Variants in GNAT3 observed in about 807,000 individuals in gnomAD.
GNAT3 encodes G protein subunit alpha transducin 3.
Under a neutral mutation model 37.7 loss-of-function variants are expected in GNAT3, and 31 were observed. That is an observed-to-expected ratio of 0.82 (90% CI 0.62 to 1.11). The LOEUF (loss-of-function observed/expected upper bound fraction) is 1.11. Ranked by LOEUF, GNAT3 falls within the 50% of genes most tolerant of loss-of-function variation. The pLI is 0.00. For synonymous variants in GNAT3, 138 were observed against 139.8 expected (o/e 0.99, Z 0.09); for missense variants, 437 against 412.5 (o/e 1.06, Z -0.51).
intron 5 of GNAT3, among the ~76,000 whole-genome samples, chr7:80,464,492 G>C (rs915614584): frequency 2.0e-5 from 3 of 152,064 alleles, no homozygotes; most frequent in Non-Finnish European, 2.9e-5. Flanking sequence ...GCAGACTATA[G>C]AAGACTATGG....
intron 4 of GNAT3, 69 bp from the exon 5 acceptor site, chr7:80,474,448 T>TACAC (rs1790271885): frequency 1.5e-6 from 1 of 658,396 alleles, no homozygotes; most frequent in East Asian, 2.9e-5. Flanking sequence ...TATGTATATA[T>TACAC]ACACACATAC....
At position 80,474,309 on chromosome 7, in the gene GNAT3, G is replaced by A. The variant is rs768831289; in HGVS notation, c.532C>T (p.Arg178Ter). Residue 178 changes from arginine to a stop codon, truncating the protein, a stop_gained, in exon 5 of 8, where the codon CGA becomes TGA. Coordinates refer to ENST00000398291, the MANE Select transcript of GNAT3 (RefSeq NM_001102386.3). LOFTEE classifies it high-confidence loss of function. ...VPNEQDVLHS[R>*]VKTTGIIETQ... is the part of the protein sequence containing the mutation. ...TCAATGATTCCAGTCGTTTTCACTC[G>A]AGAATGGAGAACATCTTGTTCATTT... is the stretch of plus-strand genomic sequence containing the variant. 19 of 1,579,616 alleles carry A rather than the reference G, an allele frequency of 1.2e-5. No homozygotes were observed. Among genetic ancestry groups the A allele is most frequent in the African/African-American group, 5.4e-5 (4 of 74,410 alleles).
chr7:80,485,186 A>T (rs1329728496), intron 3 of GNAT3, among the ~76,000 whole-genome samples: 4 of 147,612 alleles, frequency 2.7e-5, no homozygotes, highest in African/African-American at 7.5e-5. Flanking sequence ...TTTTTTTAAC[A>T]CTCTTCCCTA....
In GNAT3 at chr7:80,511,862, T is replaced by C; in HGVS notation, c.65A>G (p.Lys22Arg). Residue 22 changes from lysine (K) to arginine (R), a missense_variant, in exon 1 of 8, where the codon AAG (lysine) becomes AGG (arginine). Transcript: ENST00000398291. ...SAKRSKELEK[K>R]LQEDAERDAR... ...ATCTCGCTCAGCATCCTCCTGAAGC[T>C]TTTTCTCCAGTTCTTTTGATCTTTT... The C allele has an allele frequency of 6.2e-7, 1 of 1,612,218 alleles. No homozygotes were observed. Among genetic ancestry groups the C allele is most frequent in the Non-Finnish European group, 8.5e-7 (1 of 1,178,850 alleles).
At chr7:80,508,309 T>C (rs1790988624) in intron 1 of GNAT3, among the ~76,000 whole-genome samples, 2 of 151,540 alleles carry the variant, frequency 1.3e-5, no homozygotes, top group Admixed American at 1.3e-4. Flanking sequence ...CAAAATAAAC[T>C]CAAACTGAAA....
At chr7:80,466,904 G>T (rs1270675468) in intron 5 of GNAT3, among the ~76,000 whole-genome samples, 1 of 152,102 alleles carries the variant, frequency 6.6e-6, no homozygotes, top group African/African-American at 2.4e-5. Context: ...ACAATTGCAG[G>T]AATAATACCT....
intron 1 of GNAT3, among the ~76,000 whole-genome samples, chr7:80,495,303 A>G (rs910443823): frequency 1.5e-4 from 23 of 152,158 alleles, no homozygotes; most frequent in African/African-American, 5.1e-4. Context: ...AGAAATATCC[A>G]TACTATTTTT....
rs143987119 is a variant in GNAT3, at chr7:80,486,971, G to A, written c.303+1564C>T. Among the ~76,000 whole-genome samples, 473 of 152,052 alleles carry A rather than the reference G, an allele frequency of 3.1e-3. 13 individuals carry two copies. In the South Asian group the frequency reaches 0.053, roughly 17 times the overall value. ...ATTCTCAAAGGAATTCAGAGGGTAC[G>A]TCTATTTTTGTAACTATTATTGCCT... On this transcript the variant is annotated intron_variant, in intron 3 of 7. Transcript: ENST00000398291.
chr7:80,491,434 A>G (rs900505326), intron 2 of GNAT3, among the ~76,000 whole-genome samples: 2 of 152,196 alleles, frequency 1.3e-5, no homozygotes, highest in Non-Finnish European at 2.9e-5. Context: ...GTCAGCTTGA[A>G]GATTCTGGTG....
At chr7:80,486,999 G>A (rs1790497825) in intron 3 of GNAT3, among the ~76,000 whole-genome samples, 1 of 151,988 alleles carries the variant, frequency 6.6e-6, no homozygotes, top group Non-Finnish European at 1.5e-5. Context: ...TATTGCCTAA[G>A]AGGAAAAAAT....
intron 5 of GNAT3, 88 bp from the exon 6 acceptor site, chr7:80,462,719 G>A (rs1467037428): frequency 3.2e-6 from 3 of 939,288 alleles, no homozygotes; most frequent in East Asian, 2.7e-5. Context: ...ATAAATGGGT[G>A]ATCCCCTATC....
At chr7:80,494,043 A>T (rs1200748873) in intron 2 of GNAT3, among the ~76,000 whole-genome samples, 1 of 152,172 alleles carries the variant, frequency 6.6e-6, no homozygotes, top group East Asian at 1.9e-4. Flanking sequence ...ATGAGGTTTC[A>T]CCCATTTACC....
chr7:80,502,976 G>A (rs1790864206), intron 1 of GNAT3, among the ~76,000 whole-genome samples: 1 of 152,072 alleles, frequency 6.6e-6, no homozygotes, highest in South Asian at 2.1e-4. Context: ...AATAGTAACA[G>A]TTTCCTAATT....
rs139969602 is a variant in GNAT3, at chr7:80,480,773, A to C, written c.304-1775T>G. 2.6e-3 allele frequency among the ~76,000 whole-genome samples: 390 copies of C among 152,168 alleles called. 3 individuals carry two copies. Among genetic ancestry groups the C allele is most frequent in the Admixed American group, 4.5e-3 (68 of 15,262 alleles). ...ACAAGCAGAGGTCACTCTCATGGCC[A>C]TCTTGGTTTGGGTGGGTTTGGGCCA... On this transcript the variant is annotated intron_variant, in intron 3 of 7. Transcript: ENST00000398291.
Position 80,462,226 on chromosome 7 carries a change from G to A in GNAT3, c.807C>T (p.Asn269=), listed in dbSNP as rs1473881693. 3 of 1,609,130 alleles carry A rather than the reference G, an allele frequency of 1.9e-6. No homozygotes were observed. The South Asian group carries it at 3.3e-5, about 18-fold the overall frequency. ...CCTTTTCTTGAAAGATATCTTTTTT[G>A]TTGAGGAACAGGACAATGGAGGTTG... The part of the protein sequence containing the change: ...FSTTSIVLFL[N]KKDIFQEKVT... Residue 269 remains asparagine, a synonymous_variant, in exon 7 of 8, where the codon AAC becomes AAT. Coordinates refer to ENST00000398291, the MANE Select transcript of GNAT3 (RefSeq NM_001102386.3).
At chr7:80,502,962 G>T (rs1346426198) in intron 1 of GNAT3, among the ~76,000 whole-genome samples, 2 of 151,892 alleles carry the variant, frequency 1.3e-5, no homozygotes, top group Admixed American at 6.6e-5. Context: ...TCAAGAATTT[G>T]CACAATAGTA....
chr7:80,501,382 T>C (rs1584196403), intron 1 of GNAT3, among the ~76,000 whole-genome samples: 3 of 152,008 alleles, frequency 2.0e-5, no homozygotes, highest in Non-Finnish European at 4.4e-5. Context: ...TGAATCTTTA[T>C]TAGACATTTT....
At chr7:80,507,326 T>TA (rs934512341) in intron 1 of GNAT3, among the ~76,000 whole-genome samples, 19 of 151,158 alleles carry the variant, frequency 1.3e-4, no homozygotes, top group African/African-American at 2.9e-4. Context: ...TAGGGATAAT[T>TA]AAAAAAAAAT....
chr7:80,490,692 C>A (rs1203622101), intron 2 of GNAT3, among the ~76,000 whole-genome samples: 5 of 152,122 alleles, frequency 3.3e-5, no homozygotes, highest in Non-Finnish European at 4.4e-5. Flanking sequence ...TTATTTCTTA[C>A]AATAAGCCCT....
Sources: gnomAD v4.1 joint callset for allele counts (sites outside exome capture counted in the v4.1 genomes callset) on GRCh38, gnomAD v4.1.1 for gene constraint, MANE v1.5 for transcripts, NCBI Gene and HGNC (gene_info 2026-07-23, HGNC 2026-07-21) for gene names.